ZC3HAV1: variants seen among roughly 807,000 people sequenced by gnomAD.
ZC3HAV1 encodes zinc finger CCCH-type containing, antiviral 1, also known as zinc finger CCCH-type antiviral protein 1.
In ZC3HAV1, 41 loss-of-function variants were observed where a neutral mutation model predicts 86.6. That is an observed-to-expected ratio of 0.47 (90% CI 0.37 to 0.61). ZC3HAV1 has a LOEUF of 0.61. Among genes scored for constraint, ZC3HAV1 ranks in the 20% least tolerant of loss-of-function variants. The pLI, the probability that ZC3HAV1 is intolerant of heterozygous loss-of-function variation, is 0.00. For missense variants in ZC3HAV1, 964 were observed against 1,141.1 expected, an observed-to-expected ratio of 0.84 and a Z score of 2.24; for synonymous variants, 421 against 432.1, an observed-to-expected ratio of 0.97 and a Z score of 0.32.
At position 139,078,568 on chromosome 7, in the gene ZC3HAV1, C is replaced by T. The variant is rs528084666; in HGVS notation, c.1557G>A (p.Lys519=). 8 of 1,595,052 alleles carry T rather than the reference C, an allele frequency of 5.0e-6. No individual in the cohort carries two copies. The highest frequency in any genetic ancestry group is 2.3e-5 in the East Asian group (1 of 44,318). The change falls in exon 5 of 13, where the codon AAG becomes AAA. Residue 519 remains lysine (K), a synonymous_variant. Coordinates refer to ENST00000242351, the MANE Select transcript of ZC3HAV1 (RefSeq NM_020119.4). ...GTTACTCACCATTAAGCGGACAACC[C>T]TTACACAGATGGTCAAGACAAATTT... The part of the protein sequence containing the change: ...SEEICLDHLC[K]GCPLNGSCSK...
chr7:139,092,744 G>A (rs1397739342), intron 1 of ZC3HAV1, among the ~76,000 whole-genome samples: 2 of 152,256 alleles, frequency 1.3e-5, no homozygotes, highest in African/African-American at 2.4e-5. Context: ...GCTGGGGTCC[G>A]TGGTGCTGCC....
intron 8 of ZC3HAV1, 51 bp from the exon 9 acceptor site, chr7:139,061,189 A>G: frequency 6.4e-7 from 1 of 1,565,276 alleles, no homozygotes; most frequent in South Asian, 1.1e-5. Context: ...TCAGCCCTAG[A>G]AAATGACTTC....
intron 7 of ZC3HAV1, among the ~76,000 whole-genome samples, chr7:139,073,609 G>A (rs890317107): frequency 1.3e-5 from 2 of 152,064 alleles, no homozygotes; most frequent in Admixed American, 6.6e-5. Context: ...TCCTGCCTCA[G>A]CCTCCAGAGT....
chr7:139,101,491 CA>C (rs1817767281), intron 1 of ZC3HAV1, among the ~76,000 whole-genome samples: 2 of 103,802 alleles, frequency 1.9e-5, no homozygotes, highest in African/African-American at 7.7e-5. Context: ...TCAGCCCGGC[CA>C]CCACCCCGTC....
chr7:139,061,550 G>A (rs1335568084), intron 8 of ZC3HAV1, among the ~76,000 whole-genome samples: 5 of 152,142 alleles, frequency 3.3e-5, no homozygotes, highest in East Asian at 1.9e-4. Flanking sequence ...AATTCATGCC[G>A]TAAACCTCAG....
chr7:139,094,525 A>C (rs1051613616), intron 1 of ZC3HAV1, among the ~76,000 whole-genome samples: 2 of 151,620 alleles, frequency 1.3e-5, no homozygotes, highest in African/African-American at 4.8e-5. Flanking sequence ...CAGCAAAGAC[A>C]TCCTTGAAAG....
chr7:139,052,110 CTCT>C (rs886873784), intron 12 of ZC3HAV1, among the ~76,000 whole-genome samples: 16 of 150,498 alleles, frequency 1.1e-4, no homozygotes, highest in African/African-American at 3.2e-4. Flanking sequence ...ATAAATATTT[CTCT>C]TTTTTTCTTT....
chr7:139,048,594 T>C (rs11981663), intron 12 of ZC3HAV1, among the ~76,000 whole-genome samples: 11,910 of 152,104 alleles, frequency 0.078, 1,056 homozygotes, highest in African/African-American at 0.22. Context: ...CAGAGTGAGA[T>C]TCTGTATCAA....
chr7:139,070,153 T>C (rs1816726620), intron 7 of ZC3HAV1, among the ~76,000 whole-genome samples: 1 of 152,126 alleles, frequency 6.6e-6, no homozygotes, highest in African/African-American at 2.4e-5. Flanking sequence ...TGGGTCTTAT[T>C]AGTATGAGAC....
intron 2 of ZC3HAV1, among the ~76,000 whole-genome samples, chr7:139,088,801 A>G (rs1817348381): frequency 6.6e-6 from 1 of 152,188 alleles, no homozygotes; most frequent in Non-Finnish European, 1.5e-5. Flanking sequence ...TGTTCCAACA[A>G]AACTTTGTTT....
At chr7:139,057,955 C>G (rs1816334913) in intron 9 of ZC3HAV1, among the ~76,000 whole-genome samples, 1 of 152,112 alleles carries the variant, frequency 6.6e-6, no homozygotes, top group Non-Finnish European at 1.5e-5. Context: ...GGTCAGGTTT[C>G]CATTCTGGAT....
rs777338738 is a variant in ZC3HAV1, at chr7:139,053,567, A to C, written c.2333T>G (p.Met778Arg). 4 of 1,597,688 alleles carry C rather than the reference A, an allele frequency of 2.5e-6. No homozygotes were observed. The highest frequency in any genetic ancestry group is 3.4e-6 in the Non-Finnish European group (4 of 1,174,020). ...LDKFTWKKSQ[M>R]KEEGKLLFYA... ...AAATAGGAGTTTTCCTTCTTCCTTC[A>C]TCTGCGATTTCTTCCTAATATAAGA... The change falls in exon 12 of 13, where the codon ATG (methionine) becomes AGG (arginine). Residue 778 changes from methionine (M) to arginine (R), a missense_variant. Met to Arg is a moderately conservative substitution (Grantham distance 91). Coordinates refer to ENST00000242351, the MANE Select transcript of ZC3HAV1 (RefSeq NM_020119.4).
chr7:139,109,584 T>C lies in ZC3HAV1; in HGVS notation c.-253A>G. ...ACAGCCGGCCGCAAGGGCAACTGGG[T>C]GGAAAGAAAGAGAACGCGCGGGCAA... On this transcript the variant is annotated 5_prime_UTR_variant, in exon 1 of 13. Coordinates refer to ENST00000242351, the MANE Select transcript of ZC3HAV1 (RefSeq NM_020119.4). 2.3e-6 allele frequency: 1 copy of C among 437,924 alleles called. No individual in the cohort carries two copies. Among genetic ancestry groups the C allele is most frequent in the Non-Finnish European group, 4.0e-6 (1 of 250,148 alleles). The allele number at this position is 437,924 out of a possible 1,614,324, so 27.1% of individuals were successfully genotyped here. A position where few individuals can be genotyped will look rare whatever the true frequency, so the allele number is the denominator to read the frequency against.
intron 1 of ZC3HAV1, among the ~76,000 whole-genome samples, chr7:139,091,329 T>A (rs1042151595): frequency 6.6e-6 from 1 of 152,022 alleles, no homozygotes; most frequent in Non-Finnish European, 1.5e-5. Context: ...AAACCACGTG[T>A]CTACTAAAAA....
At chr7:139,074,688 TACAC>T (rs902929837) in intron 6 of ZC3HAV1, among the ~76,000 whole-genome samples, 10 of 151,542 alleles carry the variant, frequency 6.6e-5, no homozygotes, top group Non-Finnish European at 1.5e-5. Context: ...TGTAAATAAA[TACAC>T]ACAGTTATAT....
rs757908127 is a variant in ZC3HAV1, at chr7:139,053,997, G to A, written c.2286C>T (p.Ile762=). 5.0e-6 allele frequency: 8 copies of A among 1,606,308 alleles called. No individual in the cohort carries two copies. The highest frequency in any genetic ancestry group is 3.4e-5 in the South Asian group (3 of 88,594). The change falls in exon 11 of 13, where the codon ATC becomes ATT. Residue 762 remains isoleucine (I), a synonymous_variant. Transcript: ENST00000242351. ...ATTTATCCAGGAGCTCTGAGTTCTC[G>A]ATCTTCTTTATCTTTTCAATCTTGA... is the stretch of plus-strand genomic sequence containing the variant. The part of the protein sequence containing the change: ...KNFKIEKIKK[I]ENSELLDKFT...
At chr7:139,072,599 G>A (rs1450413709) in intron 7 of ZC3HAV1, among the ~76,000 whole-genome samples, 1 of 152,050 alleles carries the variant, frequency 6.6e-6, no homozygotes, top group Non-Finnish European at 1.5e-5. Context: ...AATCCTATGA[G>A]TTAAAGGGAG....
chr7:139,065,033 G>T, intron 7 of ZC3HAV1, 34 bp from the exon 8 acceptor site: 1 of 1,612,556 alleles, frequency 6.2e-7, no homozygotes, highest in Non-Finnish European at 8.5e-7. Context: ...TAAAGTCAGG[G>T]TAGGCTTTTA....
At chr7:139,063,027 C>CAAAAAAAAAAAAAAAAAAAAAAAA (rs58859916) in intron 8 of ZC3HAV1, among the ~76,000 whole-genome samples, 4 of 68,096 alleles carry the variant, frequency 5.9e-5, no homozygotes, top group Non-Finnish European at 1.1e-4. Context: ...GACTCTGTCT[C>CAAAAAAAAAAAAAAAAAAAAAAAA]AAAAAAAAAA....
Sources: allele counts gnomAD v4.1 joint callset (sites outside exome capture counted in the v4.1 genomes callset), GRCh38; gene constraint gnomAD v4.1.1; transcripts MANE v1.5; gene names NCBI Gene and HGNC (gene_info 2026-07-23, HGNC 2026-07-21).